Variants in NDUFAF2 observed in about 807,000 individuals in gnomAD.
NDUFAF2 encodes NADH dehydrogenase [ubiquinone] 1 alpha subcomplex assembly factor 2.
Under a neutral mutation model 22.8 loss-of-function variants are expected in NDUFAF2, and 13 were observed. The ratio of observed to expected loss-of-function variants is 0.57; its 90% CI spans 0.37 to 0.91. The LOEUF is 0.91. Ranked by LOEUF, NDUFAF2 falls within the 40% of genes least tolerant of loss-of-function variation. NDUFAF2 has a pLI of 0.01. For synonymous variants in NDUFAF2, 53 were observed against 64.2 expected (o/e 0.83, Z 0.84); for missense variants, 162 against 195.2 (o/e 0.83, Z 1.01).
chr5:61,031,793 A>AT (rs1751731103), intron 1 of NDUFAF2, among the ~76,000 whole-genome samples: 1 of 152,168 alleles, frequency 6.6e-6, no homozygotes, highest in South Asian at 2.1e-4. Context: ...TCCTTGAGGA[A>AT]TTGCCACACT....
intron 3 of NDUFAF2, among the ~76,000 whole-genome samples, chr5:61,110,836 T>C (rs1337725172): frequency 6.6e-6 from 1 of 152,076 alleles, no homozygotes; most frequent in Non-Finnish European, 1.5e-5. Context: ...CTTTGATTTT[T>C]ATTATTTCTT....
At chr5:60,975,751 A>C (rs764559137) in intron 1 of NDUFAF2, among the ~76,000 whole-genome samples, 1 of 152,216 alleles carries the variant, frequency 6.6e-6, no homozygotes, top group African/African-American at 2.4e-5. Flanking sequence ...AGAATGAGCC[A>C]TAAAGTAGAA....
At chr5:61,096,638 G>C (rs1580131748) in intron 2 of NDUFAF2, among the ~76,000 whole-genome samples, 1 of 145,142 alleles carries the variant, frequency 6.9e-6, no homozygotes. Context: ...GTTTTGGCTA[G>C]AAATTGGCCA....
chr5:60,966,740 A>C (rs1223725886), intron 1 of NDUFAF2, among the ~76,000 whole-genome samples: 1 of 152,078 alleles, frequency 6.6e-6, no homozygotes, highest in African/African-American at 2.4e-5. Flanking sequence ...TTGTTTAGCT[A>C]CTTTAGCCTT....
intron 3 of NDUFAF2, among the ~76,000 whole-genome samples, chr5:61,147,429 T>C (rs897013757): frequency 6.7e-5 from 9 of 134,470 alleles, no homozygotes; most frequent in African/African-American, 2.4e-4. Flanking sequence ...TTGTATTTTT[T>C]TTTCTTTCTT....
At chr5:61,014,125 A>G (rs1347449385) in intron 1 of NDUFAF2, among the ~76,000 whole-genome samples, 1 of 152,240 alleles carries the variant, frequency 6.6e-6, no homozygotes, top group East Asian at 1.9e-4. Context: ...CCAAGACATG[A>G]TTAAGATGGT....
At chr5:60,976,027 G>A (rs1750897867) in intron 1 of NDUFAF2, among the ~76,000 whole-genome samples, 1 of 152,170 alleles carries the variant, frequency 6.6e-6, no homozygotes, top group African/African-American at 2.4e-5. Context: ...GATCCAAGTA[G>A]CTTGGCCTCT....
chr5:61,014,944 A>G (rs1255054874), intron 1 of NDUFAF2, among the ~76,000 whole-genome samples: 1 of 152,214 alleles, frequency 6.6e-6, no homozygotes. Flanking sequence ...TATAGGGAGA[A>G]GAGAATATCT....
chr5:61,131,891 G>GTAT (rs1753116636), intron 3 of NDUFAF2, among the ~76,000 whole-genome samples: 1 of 150,426 alleles, frequency 6.6e-6, no homozygotes, highest in Admixed American at 6.7e-5. Context: ...GATTTCTGTT[G>GTAT]TTTACATTTC....
intron 2 of NDUFAF2, among the ~76,000 whole-genome samples, chr5:61,097,577 G>T (rs1326165895): frequency 6.6e-6 from 1 of 152,216 alleles, no homozygotes; most frequent in Non-Finnish European, 1.5e-5. Context: ...AGTGGCTGGT[G>T]AATGGATAAA....
chr5:61,142,228 A>C (rs1741070820), intron 3 of NDUFAF2, among the ~76,000 whole-genome samples: 1 of 152,310 alleles, frequency 6.6e-6, no homozygotes, highest in African/African-American at 2.4e-5. Context: ...TTATGCTTAG[A>C]GGCCCTTTTT....
intron 1 of NDUFAF2, among the ~76,000 whole-genome samples, chr5:61,071,307 C>A (rs182350209): frequency 1.3e-5 from 2 of 152,190 alleles, no homozygotes; most frequent in Admixed American, 6.5e-5. Context: ...AGGATTAAAT[C>A]AGCCTGATTA....
At chr5:61,130,992 A>C (rs1001155831) in intron 3 of NDUFAF2, among the ~76,000 whole-genome samples, 1 of 152,196 alleles carries the variant, frequency 6.6e-6, no homozygotes, top group African/African-American at 2.4e-5. Flanking sequence ...GCCAGATACT[A>C]TGATGAAAAG....
intron 3 of NDUFAF2, among the ~76,000 whole-genome samples, chr5:61,149,073 C>T (rs1741190067): frequency 2.0e-5 from 3 of 152,050 alleles, no homozygotes; most frequent in Non-Finnish European, 2.9e-5. Flanking sequence ...CAGGTTCAAG[C>T]GATTCTCATG....
At chr5:61,056,400 A>C (rs926240175) in intron 1 of NDUFAF2, among the ~76,000 whole-genome samples, 1 of 152,206 alleles carries the variant, frequency 6.6e-6, no homozygotes, top group African/African-American at 2.4e-5. Context: ...CAGCCTTCAC[A>C]AGCAAAATGG....
At position 61,146,928 on chromosome 5, in the gene NDUFAF2, G is replaced by C. The variant is rs1026983320; in HGVS notation, c.259-5776G>C. 3.9e-5 allele frequency among the ~76,000 whole-genome samples: 6 copies of C among 151,960 alleles called. No individual in the cohort carries two copies. The East Asian group carries it at 9.6e-4, about 24-fold the overall frequency. Reference sequence around the variant, plus strand: ...AAGCACTCAATTTTTTTATTTCATAGGTTGTTTTTCACCTTGAAGTTATAT... The same window carrying C: ...AAGCACTCAATTTTTTTATTTCATACGTTGTTTTTCACCTTGAAGTTATAT... On this transcript the variant is annotated intron_variant, in intron 3 of 3. Coordinates refer to ENST00000296597, the MANE Select transcript of NDUFAF2 (RefSeq NM_174889.5).
At chr5:60,964,872 C>T (rs552221978) in intron 1 of NDUFAF2, among the ~76,000 whole-genome samples, 1 of 152,330 alleles carries the variant, frequency 6.6e-6, no homozygotes, top group East Asian at 1.9e-4. Flanking sequence ...CCACCAGACT[C>T]TGGTAACTCC....
chr5:60,962,730 G>A (rs1186884025), intron 1 of NDUFAF2, among the ~76,000 whole-genome samples: 1 of 151,320 alleles, frequency 6.6e-6, no homozygotes, highest in African/African-American at 2.4e-5. Context: ...CTACTTTGGA[G>A]TCTGAGGCAG....
intron 1 of NDUFAF2, among the ~76,000 whole-genome samples, chr5:61,010,002 A>T (rs558510852): frequency 2.0e-5 from 3 of 152,070 alleles, no homozygotes; most frequent in Non-Finnish European, 4.4e-5. Context: ...TTTCTGACTT[A>T]CTCCCAATGT....
Sources: allele counts gnomAD v4.1 joint callset (sites outside exome capture counted in the v4.1 genomes callset), GRCh38; gene constraint gnomAD v4.1.1; transcripts MANE v1.5; gene names NCBI Gene and HGNC (gene_info 2026-07-23, HGNC 2026-07-21).